The following KCNIP4 variants were observed in gnomAD, a reference collection of about 807,000 sequenced individuals.
KCNIP4 encodes Kv channel-interacting protein 4.
Under a neutral mutation model 34.0 loss-of-function variants are expected in KCNIP4, and 12 were observed. The observed-to-expected ratio is 0.35, with a 90% confidence interval of 0.23 to 0.57. The LOEUF (loss-of-function observed/expected upper bound fraction) is 0.57. KCNIP4 is among the 20% of genes least tolerant of loss of function. KCNIP4 has a pLI of 0.83. For synonymous variants in KCNIP4, 124 were observed against 102.2 expected (o/e 1.21, Z -1.29); for missense variants, 238 against 311.7 (o/e 0.76, Z 1.78).
At chr4:21,349,980 GT>G (rs1038462308) in intron 1 of KCNIP4, among the ~76,000 whole-genome samples, 3 of 152,136 alleles carry the variant, frequency 2.0e-5, no homozygotes, top group Non-Finnish European at 4.4e-5. Context: ...GTGGACTAGA[GT>G]TATGAGCAAT....
chr4:21,308,354 C>T (rs1041197060), intron 1 of KCNIP4, among the ~76,000 whole-genome samples: 36 of 152,292 alleles, frequency 2.4e-4, no homozygotes, highest in Admixed American at 1.2e-3. Context: ...GGAGCACATA[C>T]GTTTTCAAGC....
intron 1 of KCNIP4, among the ~76,000 whole-genome samples, chr4:21,749,113 T>G (rs1303133385): frequency 6.6e-6 from 1 of 152,132 alleles, no homozygotes; most frequent in African/African-American, 2.4e-5. Context: ...ATGTGGCAAA[T>G]TGTTTCAAGC....
chr4:21,810,622 G>A (rs1380289298), intron 1 of KCNIP4, among the ~76,000 whole-genome samples: 4 of 150,546 alleles, frequency 2.7e-5, no homozygotes, highest in South Asian at 2.1e-4. Context: ...CCCGGGAGGC[G>A]GAGCCTGCAG....
At chr4:21,886,614 C>G (rs1726779403) in intron 1 of KCNIP4, among the ~76,000 whole-genome samples, 1 of 152,118 alleles carries the variant, frequency 6.6e-6, no homozygotes, top group South Asian at 2.1e-4. Context: ...AATCCCAAAT[C>G]TGTGAATGCA....
intron 1 of KCNIP4, among the ~76,000 whole-genome samples, chr4:21,637,230 G>A (rs559867838): frequency 2.0e-5 from 3 of 152,164 alleles, no homozygotes; most frequent in East Asian, 3.9e-4. Flanking sequence ...TCTCCAGGTC[G>A]GGTATCATTA....
chr4:21,836,637 C>A (rs1285155612), intron 1 of KCNIP4, among the ~76,000 whole-genome samples: 4 of 152,116 alleles, frequency 2.6e-5, no homozygotes, highest in Non-Finnish European at 5.9e-5. Flanking sequence ...GTAAAAAATG[C>A]TGGTCTCTAA....
At chr4:21,561,316 A>C (rs1182263745) in intron 1 of KCNIP4, among the ~76,000 whole-genome samples, 1 of 152,044 alleles carries the variant, frequency 6.6e-6, no homozygotes, top group African/African-American at 2.4e-5. Context: ...TCTATTAAAA[A>C]GTTTGTTTCT....
chr4:20,958,730 C>A (rs927885992), intron 1 of KCNIP4, among the ~76,000 whole-genome samples: 1 of 152,144 alleles, frequency 6.6e-6, no homozygotes, highest in Admixed American at 6.5e-5. Context: ...GGGAGATATG[C>A]AAACCTCTAA....
Position 21,258,644 on chromosome 4 carries a change from T to C in KCNIP4, c.62-375935A>G, listed in dbSNP as rs570846817. ...TTGTGCATTTGAAAACAGAGGTCAG[T>C]GTTCCATGTCCTGACCTCTGTTTTG... On this transcript the variant is annotated intron_variant, in intron 1 of 8. Transcript: ENST00000382152. Among the ~76,000 whole-genome samples, 3 of 152,282 alleles carry C rather than the reference T, an allele frequency of 2.0e-5. No individual in the cohort carries two copies. In the South Asian group the frequency reaches 6.2e-4, roughly 32 times the overall value.
chr4:21,826,505 T>G (rs1578038322), intron 1 of KCNIP4, among the ~76,000 whole-genome samples: 1 of 152,074 alleles, frequency 6.6e-6, no homozygotes, highest in Admixed American at 6.6e-5. Context: ...AATACAGAAC[T>G]AGTCAACAAG....
chr4:20,729,766 T>C lies in KCNIP4; in HGVS notation c.*316A>G. On this transcript the variant is annotated 3_prime_UTR_variant, in exon 9 of 9. Coordinates refer to ENST00000382152, the MANE Select transcript of KCNIP4 (RefSeq NM_025221.6). ...AAAAACACTGATATTTTAAAATCAC[T>C]GATATGTGAAAGCCTCAATAATCCC... 1 of 240,630 alleles carries C rather than the reference T, an allele frequency of 4.2e-6. No homozygotes were observed. The highest frequency in any genetic ancestry group is 7.9e-6 in the Non-Finnish European group (1 of 125,990). The allele number at this position is 240,630 out of a possible 1,614,324, so 14.9% of individuals were successfully genotyped here. A position where few individuals can be genotyped will look rare whatever the true frequency, so the allele number is the denominator to read the frequency against.
At chr4:20,817,785 A>G (rs957998613) in intron 3 of KCNIP4, among the ~76,000 whole-genome samples, 3 of 152,070 alleles carry the variant, frequency 2.0e-5, no homozygotes, top group African/African-American at 7.2e-5. Context: ...CTAAGATCAA[A>G]TTATTACATT....
At chr4:21,400,702 G>C (rs1723481138) in intron 1 of KCNIP4, among the ~76,000 whole-genome samples, 1 of 152,082 alleles carries the variant, frequency 6.6e-6, no homozygotes, top group Admixed American at 6.6e-5. Flanking sequence ...TGCTGGATTG[G>C]TTAGGGCTCA....
At chr4:20,975,813 A>T (rs1006376295) in intron 1 of KCNIP4, among the ~76,000 whole-genome samples, 1 of 152,226 alleles carries the variant, frequency 6.6e-6, no homozygotes, top group African/African-American at 2.4e-5. Flanking sequence ...ATCACCTGCC[A>T]GCTAAACATT....
At chr4:21,011,892 T>C (rs1739092383) in intron 1 of KCNIP4, among the ~76,000 whole-genome samples, 1 of 152,212 alleles carries the variant, frequency 6.6e-6, no homozygotes, top group African/African-American at 2.4e-5. Context: ...ATTTAATCAC[T>C]TAGCTTCTGT....
At chr4:21,414,169 G>A (rs931166216) in intron 1 of KCNIP4, among the ~76,000 whole-genome samples, 1 of 152,096 alleles carries the variant, frequency 6.6e-6, no homozygotes, top group African/African-American at 2.4e-5. Flanking sequence ...GAAACAGAAA[G>A]TACTAGAGGT....
chr4:20,732,609 C>T (rs1451332409), intron 7 of KCNIP4, 72 bp downstream of exon 7: 14 of 895,082 alleles, frequency 1.6e-5, no homozygotes, highest in Non-Finnish European at 2.3e-5. Flanking sequence ...TTTGAATCAT[C>T]GTGGTGCATG....
At position 21,475,699 on chromosome 4, in the gene KCNIP4, A is replaced by G. The variant is rs555770503; in HGVS notation, c.61+472872T>C. Among the ~76,000 whole-genome samples, 8 of 152,292 alleles carry G rather than the reference A, an allele frequency of 5.3e-5. No individual in the cohort carries two copies. In the South Asian group the frequency reaches 1.7e-3, roughly 32 times the overall value. ...CAGTCCTCGAAATGCAAATTTGGCT[A>G]TATCGCAGCTACAGAGATGAAAGCT... On this transcript the variant is annotated intron_variant, in intron 1 of 8. Coordinates refer to ENST00000382152, the MANE Select transcript of KCNIP4 (RefSeq NM_025221.6).
intron 1 of KCNIP4, among the ~76,000 whole-genome samples, chr4:20,982,740 G>A (rs138213713): frequency 7.9e-5 from 12 of 152,336 alleles, no homozygotes; most frequent in African/African-American, 2.6e-4. Context: ...ACCGGATCTT[G>A]TTTGGGATGA....
Sources: allele counts gnomAD v4.1 joint callset (sites outside exome capture counted in the v4.1 genomes callset), GRCh38; gene constraint gnomAD v4.1.1; transcripts MANE v1.5; gene names NCBI Gene and HGNC (gene_info 2026-07-23, HGNC 2026-07-21).